The following SHROOM2 variants were observed in gnomAD, a reference collection of about 807,000 sequenced individuals.
SHROOM2 encodes shroom family member 2, also known as protein Shroom2.
SHROOM2 carries 33 observed loss-of-function variants against 75.9 expected under a neutral mutation model. The observed-to-expected ratio is 0.43, with a 90% CI of 0.33 to 0.58. SHROOM2 has a LOEUF of 0.58. SHROOM2 is among the 20% of genes least tolerant of loss of function. SHROOM2 has a pLI of 0.04. For synonymous variants in SHROOM2, 655 were observed against 663.6 expected (o/e 0.99, Z 0.20); for missense variants, 1,434 against 1,461.2 (o/e 0.98, Z 0.30).
chrX:9,844,995 C>T lies in SHROOM2; in HGVS notation c.166-28657C>T, dbSNP rs188653124. 1.3e-4 allele frequency among the ~76,000 whole-genome samples: 14 copies of T among 110,954 alleles called. 1 individual carries two copies. Among genetic ancestry groups the T allele is most frequent in the South Asian group, 8.0e-4 (2 of 2,509 alleles). ...TTTGCAAGTTAAAGTATTTCTCTAGCGTGGGAGTTGGCAAGTGTCTTCTGT... is the reference window on the plus strand; with the variant it reads ...TTTGCAAGTTAAAGTATTTCTCTAGTGTGGGAGTTGGCAAGTGTCTTCTGT... On this transcript the variant is annotated intron_variant, in intron 1 of 9. Transcript: ENST00000380913.
chrX:9,932,830 G>A lies in SHROOM2; in HGVS notation c.3547G>A (p.Asp1183Asn), dbSNP rs1397322632. 8.3e-7 allele frequency: 1 copy of A among 1,201,555 alleles called. No individual in the cohort carries two copies. The highest frequency in any genetic ancestry group is 3.0e-5 in the East Asian group (1 of 33,741). ...CCAGTTCGCCCCCCAGAAACTGACG[G>A]ACAAACCTCCCCTGCTCATCCAGGA... The part of the protein sequence containing the change: ...SPQFAPQKLT[D>N]KPPLLIQDED... The change falls in exon 6 of 10, where the codon GAC becomes AAC. Residue 1183 changes from aspartate to asparagine, a missense_variant. Coordinates refer to ENST00000380913, the MANE Select transcript of SHROOM2 (RefSeq NM_001649.4).
intron 5 of SHROOM2, among the ~76,000 whole-genome samples, chrX:9,914,360 A>G (rs1471276077): frequency 9.1e-6 from 1 of 109,664 alleles, no homozygotes; most frequent in African/African-American, 3.3e-5. Flanking sequence ...AGGTTGAGGA[A>G]GGAAGGGAAT....
At chrX:9,874,593 T>A (rs1182345735) in intron 2 of SHROOM2, 4 of 111,180 alleles carry the variant, frequency 3.6e-5, no homozygotes, top group African/African-American at 1.3e-4. Context: ...AAAACAAAAA[T>A]TTTTTTTTCA....
chrX:9,944,742 G>C lies in SHROOM2; in HGVS notation c.4413G>C (p.Glu1471Asp). ...AGGCCAACACCGTGCTGGGGGCCGA[G>C]GTGGAGGCCATCGTGAAAGGCGTCT... is the stretch of plus-strand genomic sequence containing the variant. ...DVQANTVLGAEVEAIVKGVCK... is the reference protein window; with the variant it reads ...DVQANTVLGADVEAIVKGVCK... Residue 1471 changes from glutamate to aspartate, a missense_variant, in exon 9 of 10, where the codon GAG becomes GAC. Physicochemically the swap from Glu to Asp is conservative, Grantham distance 45. Around this residue, in one of 3 missense-constraint regions of SHROOM2, gnomAD observed 1,340 missense variants for 1,338.3 expected, o/e 1.00. Transcript: ENST00000380913. 8.2e-6 allele frequency: 10 copies of C among 1,212,413 alleles called. No homozygotes were observed. Among genetic ancestry groups the C allele is most frequent in the Non-Finnish European group, 1.1e-5 (10 of 895,650 alleles).
intron 5 of SHROOM2, among the ~76,000 whole-genome samples, chrX:9,914,916 T>C (rs2084474778): frequency 9.0e-6 from 1 of 111,554 alleles, no homozygotes; most frequent in Non-Finnish European, 1.9e-5. Flanking sequence ...ATTCTCTTAG[T>C]AACTTTCACA....
chrX:9,935,061 C>G (rs765904666), intron 6 of SHROOM2, among the ~76,000 whole-genome samples: 9 of 111,752 alleles, frequency 8.1e-5, no homozygotes, highest in Non-Finnish European at 1.7e-4. Flanking sequence ...GGGCAAGCCA[C>G]TGGGCCCAGC....
chrX:9,823,415 C>T (rs1024059177), intron 1 of SHROOM2, among the ~76,000 whole-genome samples: 3 of 110,457 alleles, frequency 2.7e-5, no homozygotes, highest in Admixed American at 9.8e-5. Context: ...GCTAATTTTT[C>T]GATTTTTAGT....
At chrX:9,841,406 C>T (rs1383269407) in intron 1 of SHROOM2, among the ~76,000 whole-genome samples, 3 of 112,017 alleles carry the variant, frequency 2.7e-5, no homozygotes, top group Non-Finnish European at 5.6e-5. Flanking sequence ...TGCCTTCTCT[C>T]TTTGGCTTAC....
chrX:9,895,736 C>T lies in SHROOM2; in HGVS notation c.1828C>T (p.Pro610Ser). The T allele has an allele frequency of 8.4e-7, 1 of 1,197,458 alleles. No homozygotes were observed. Residue 610 changes from proline to serine, a missense_variant, in exon 4 of 10, where the codon CCA becomes TCA. Physicochemically the swap from Pro to Ser is moderately conservative, Grantham distance 74. This residue lies in a region of SHROOM2 where 1,340 missense variants were observed against 1,338.3 expected (regional missense o/e 1.00). Coordinates refer to ENST00000380913, the MANE Select transcript of SHROOM2 (RefSeq NM_001649.4). ...SSPEDSATRP[P>S]PFDAHVGKPT... The stretch of plus-strand genomic sequence containing the variant: ...TCCAGAGGACAGCGCCACCAGACCG[C>T]CACCGTTCGACGCCCACGTGGGCAA...
At position 9,937,323 on chromosome X, in the gene SHROOM2, C is replaced by T; in HGVS notation, c.3777C>T (p.Arg1259=). 8.3e-7 allele frequency: 1 copy of T among 1,208,174 alleles called. No individual in the cohort carries two copies. The highest frequency in any genetic ancestry group is 1.1e-6 in the Non-Finnish European group (1 of 893,648). Residue 1259 remains arginine (R), a synonymous_variant, in exon 7 of 10, where the codon CGC becomes CGT. Transcript: ENST00000380913. ...TLSTSEQFYS[R]FCLYTRQGAE... ...GCACATCTGAGCAGTTCTACTCGCGCTTCTGTCTGTACACGCGGCAGGGTG... is the reference window on the plus strand; with the variant it reads ...GCACATCTGAGCAGTTCTACTCGCGTTTCTGTCTGTACACGCGGCAGGGTG...
intron 2 of SHROOM2, among the ~76,000 whole-genome samples, chrX:9,879,347 G>A (rs1158430070): frequency 9.0e-6 from 1 of 110,983 alleles, no homozygotes; most frequent in Non-Finnish European, 1.9e-5. Flanking sequence ...TGCAACCTTC[G>A]CCACCCGGGT....
At chrX:9,902,824 T>A (rs2084371858) in intron 5 of SHROOM2, among the ~76,000 whole-genome samples, 1 of 111,671 alleles carries the variant, frequency 9.0e-6, no homozygotes, top group South Asian at 3.7e-4. Flanking sequence ...GCTGGCAGTG[T>A]CTTCCTTCTG....
At position 9,862,926 on chromosome X, in the gene SHROOM2, A is replaced by G. The variant is rs184883131; in HGVS notation, c.166-10726A>G. ...CCCTGAACGTTGCTCCCCATTAACC[A>G]TCTCTTAGGTGGATCTCGGCCTGTG... is the stretch of plus-strand genomic sequence containing the variant. On this transcript the variant is annotated intron_variant, in intron 1 of 9. Transcript: ENST00000380913. Among the ~76,000 whole-genome samples, 750 of 111,544 alleles carry G rather than the reference A, an allele frequency of 6.7e-3. 1 individual carries two copies. The highest frequency in any genetic ancestry group is 0.037 in the Middle Eastern group (8 of 215).
Position 9,872,981 on chromosome X carries a change from C to G in SHROOM2, c.166-671C>G, listed in dbSNP as rs377147340. Among the ~76,000 whole-genome samples, 9 of 112,458 alleles carry G rather than the reference C, an allele frequency of 8.0e-5. No individual in the cohort carries two copies. In the East Asian group the frequency reaches 2.0e-3, roughly 24 times the overall value. ...AATGAAGTACTGCTACATGCTACAA[C>G]GTAGATAAACTTAGAAAGCATCGTG... On this transcript the variant is annotated intron_variant, in intron 1 of 9. Coordinates refer to ENST00000380913, the MANE Select transcript of SHROOM2 (RefSeq NM_001649.4).
At chrX:9,937,736 T>C (rs1333391737) in intron 7 of SHROOM2, 51 bp downstream of exon 7, 2 of 1,033,745 alleles carry the variant, frequency 1.9e-6, no homozygotes, top group East Asian at 6.6e-5. Flanking sequence ...TGGCATCTCT[T>C]AGGCTTGTAA....
At chrX:9,905,393 A>T (rs1021890909) in intron 5 of SHROOM2, among the ~76,000 whole-genome samples, 16 of 113,014 alleles carry the variant, frequency 1.4e-4, no homozygotes, top group African/African-American at 5.1e-4. Flanking sequence ...CACAAACCCA[A>T]AGAATTCCTA....
intron 1 of SHROOM2, among the ~76,000 whole-genome samples, chrX:9,871,165 T>C (rs2084169047): frequency 9.1e-6 from 1 of 109,921 alleles, no homozygotes; most frequent in South Asian, 3.8e-4. Context: ...TTTTACTGTC[T>C]TTCCCACCCT....
chrX:9,921,156 C>T (rs1266583275), intron 5 of SHROOM2, among the ~76,000 whole-genome samples: 1 of 111,280 alleles, frequency 9.0e-6, no homozygotes, highest in Non-Finnish European at 1.9e-5. Flanking sequence ...TATAGGGCTG[C>T]TTGAGTGTCC....
chrX:9,936,359 G>A (rs1288357089), intron 6 of SHROOM2, among the ~76,000 whole-genome samples: 2 of 110,667 alleles, frequency 1.8e-5, no homozygotes, highest in African/African-American at 6.6e-5. Flanking sequence ...TGATCCACCC[G>A]CCTCGGCCTT....
Sources: allele counts gnomAD v4.1 joint callset (sites outside exome capture counted in the v4.1 genomes callset), GRCh38; gene constraint gnomAD v4.1.1; regional missense constraint gnomAD v4.1.1; transcripts MANE v1.5; gene names NCBI Gene and HGNC (gene_info 2026-07-23, HGNC 2026-07-21).